SLC10A4: variants seen among roughly 807,000 people sequenced by gnomAD.
The protein encoded by SLC10A4 is putative sodium/bile acid cotransporter 4.
A neutral mutation model predicts 22.5 loss-of-function variants in SLC10A4; 17 were observed. That is an observed-to-expected ratio of 0.76 (90% CI 0.52 to 1.14). The LOEUF (loss-of-function observed/expected upper bound fraction) is 1.14, where lower values mean the gene tolerates loss of function less well. Among genes scored for constraint, SLC10A4 ranks in the 50% most tolerant of loss-of-function variants. SLC10A4 has a pLI of 0.00. For missense variants in SLC10A4, 548 were observed against 584.0 expected, an observed-to-expected ratio of 0.94 and a Z score of 0.64; for synonymous variants, 257 against 258.2, an observed-to-expected ratio of 1.00 and a Z score of 0.04.
At position 48,483,827 on chromosome 4, in the gene SLC10A4, G is replaced by A. The variant is rs1452033636; in HGVS notation, c.266G>A (p.Trp89Ter). 17 of 1,533,308 alleles carry A rather than the reference G, an allele frequency of 1.1e-5. No individual in the cohort carries two copies. The South Asian group carries it at 1.9e-4, about 17-fold the overall frequency. The allele number at this position is 1,533,308 out of a possible 1,614,324, so 95.0% of individuals were successfully genotyped here. ...GGCCCTTCCCCGTTCCCTCGGCCCT[G>A]GGCGCCCCACGCGCTCCCGTTCTGG... ...SHGPSPFPRP[W>*]APHALPFWDT... The change falls in exon 1 of 3, where the codon TGG (tryptophan) becomes TAG (stop). Residue 89 changes from tryptophan to a stop codon, truncating the protein, a stop_gained. Transcript: ENST00000273861. LOFTEE classifies it high-confidence loss of function. This position sits in a 1 kb window ranked among gnomAD's most constrained non-coding sequence, Gnocchi z 5.4.
chr4:48,485,024 TCGTGCAGTTACTA>T lies in SLC10A4; in HGVS notation c.685_697del (p.Val229ProfsTer2). ...AGCTGGGCTTGGATCAACACCCCTA[TCGTGCAGTTACTA>T]CCCCTAGGGACCGTGACCCTGACTC... On this transcript the variant is annotated frameshift_variant, in exon 2 of 3. Transcript: ENST00000273861. LOFTEE classifies it high-confidence loss of function. The T allele has an allele frequency of 6.2e-7, 1 of 1,614,136 alleles. No homozygotes were observed.
Position 48,488,437 on chromosome 4 carries a change from G to A in SLC10A4, c.812G>A (p.Trp271Ter). 1 of 1,594,760 alleles carries A rather than the reference G, an allele frequency of 6.3e-7. No individual in the cohort carries two copies. ...VADYIVKVSL[W>*]SLLVTLVVLF... ...ATTTTCTATTACTAGGTTTCCCTGT[G>A]GTCTCTGCTAGTGACTCTGGTGGTC... is the stretch of plus-strand genomic sequence containing the variant. Residue 271 changes from tryptophan to a stop codon, truncating the protein, a stop_gained, in exon 3 of 3, where the codon TGG becomes TAG. Coordinates refer to ENST00000273861, the MANE Select transcript of SLC10A4 (RefSeq NM_152679.4). LOFTEE classifies it high-confidence loss of function.
At position 48,485,041 on chromosome 4, in the gene SLC10A4, C is replaced by T; in HGVS notation, c.700C>T (p.Leu234=). ...INTPIVQLLP[L]GTVTLTLCST... ...CACCCCTATCGTGCAGTTACTACCC[C>T]TAGGGACCGTGACCCTGACTCTCTG... The change falls in exon 2 of 3, where the codon CTA becomes TTA. Residue 234 remains leucine, a synonymous_variant. Transcript: ENST00000273861. 1.2e-6 allele frequency: 2 copies of T among 1,614,140 alleles called. No individual in the cohort carries two copies. The highest frequency in any genetic ancestry group is 1.6e-4 in the Middle Eastern group (1 of 6,062).
Position 48,488,924 on chromosome 4 carries a change from T to C in SLC10A4, c.1299T>C (p.Ala433=). The C allele has an allele frequency of 6.3e-7, 1 of 1,592,714 alleles. No individual in the cohort carries two copies. Among genetic ancestry groups the C allele is most frequent in the Non-Finnish European group, 8.5e-7 (1 of 1,173,172 alleles). The change falls in exon 3 of 3, where the codon GCT becomes GCC. Residue 433 remains alanine (A), a synonymous_variant. Transcript: ENST00000273861. ...KAENIIMMET[A]QTSL ...AAAATATAATAATGATGGAAACCGC[T>C]CAGACTTCTCTCTAAATGTGGAGAT...
Position 48,488,660 on chromosome 4 carries a change from A to T in SLC10A4, c.1035A>T (p.Thr345=), listed in dbSNP as rs1718330252. 1 of 1,614,108 alleles carries T rather than the reference A, an allele frequency of 6.2e-7. No homozygotes were observed. Among genetic ancestry groups the T allele is most frequent in the African/African-American group, 1.3e-5 (1 of 75,058 alleles). ...ETGSQNVQLC[T]AILKLAFPPQ... ...GTAGTCAGAATGTGCAGCTCTGTAC[A>T]GCCATTCTAAAACTGGCCTTTCCAC... The change falls in exon 3 of 3, where the codon ACA becomes ACT. Residue 345 remains threonine, a synonymous_variant. Coordinates refer to ENST00000273861, the MANE Select transcript of SLC10A4 (RefSeq NM_152679.4).
In SLC10A4 at chr4:48,483,404, G is replaced by C. The variant is rs965907987; in HGVS notation, c.-158G>C. On this transcript the variant is annotated 5_prime_UTR_variant, in exon 1 of 3. Coordinates refer to ENST00000273861, the MANE Select transcript of SLC10A4 (RefSeq NM_152679.4). The surrounding 1 kb of genome is among the most constrained non-coding windows in gnomAD (Gnocchi z 5.4). ...GGGCGGCTGCAGACCTGGGAGCGGA[G>C]ACCGGCCCGCCGCCCCCGACGCCGC... 1.6e-5 allele frequency: 7 copies of C among 450,104 alleles called. No homozygotes were observed. Among genetic ancestry groups the C allele is most frequent in the Non-Finnish European group, 2.5e-5 (7 of 277,666 alleles). The allele number at this position is 450,104 out of a possible 1,614,324, so 27.9% of individuals were successfully genotyped here.
intron 1 of SLC10A4, 68 bp downstream of exon 1, chr4:48,484,219 G>T: frequency 6.9e-7 from 1 of 1,441,708 alleles, no homozygotes; most frequent in Middle Eastern, 1.8e-4. Context: ...GTGGGCTCAC[G>T]ACGAAGGACA....
intron 2 of SLC10A4, among the ~76,000 whole-genome samples, chr4:48,485,637 A>T (rs879687023): frequency 3.3e-5 from 5 of 152,240 alleles, no homozygotes; most frequent in Non-Finnish European, 5.9e-5. Flanking sequence ...TACTAATAGG[A>T]CAAAAAGTAA....
intron 2 of SLC10A4, among the ~76,000 whole-genome samples, chr4:48,487,302 C>T (rs917585280): frequency 1.3e-5 from 2 of 152,144 alleles, no homozygotes; most frequent in African/African-American, 4.8e-5. Flanking sequence ...TGCCAAATTG[C>T]AAAGAATTCT....
Position 48,483,753 on chromosome 4 carries a change from G to C in SLC10A4, c.192G>C (p.Pro64=). 1 of 1,473,074 alleles carries C rather than the reference G, an allele frequency of 6.8e-7. No individual in the cohort carries two copies. Among genetic ancestry groups the C allele is most frequent in the Non-Finnish European group, 8.9e-7 (1 of 1,118,140 alleles). The allele number at this position is 1,473,074 out of a possible 1,614,324, so 91.3% of individuals were successfully genotyped here. Residue 64 remains proline, a synonymous_variant, in exon 1 of 3, where the codon CCG becomes CCC. Transcript: ENST00000273861. This position sits in a 1 kb window ranked among gnomAD's most constrained non-coding sequence, Gnocchi z 5.4. Reference sequence around the variant, plus strand: ...TCGGCTTCAGCCCCGGCCCCACTCCGACCCCGGAGCCCACGACCAGCGGCC... The same window carrying C: ...TCGGCTTCAGCCCCGGCCCCACTCCCACCCCGGAGCCCACGACCAGCGGCC... The part of the protein sequence containing the change: ...PSFGFSPGPT[P]TPEPTTSGLA...
chr4:48,483,524 G>T lies in SLC10A4; in HGVS notation c.-38G>T. On this transcript the variant is annotated 5_prime_UTR_variant, in exon 1 of 3. Coordinates refer to ENST00000273861, the MANE Select transcript of SLC10A4 (RefSeq NM_152679.4). The surrounding 1 kb of genome is among the most constrained non-coding windows in gnomAD (Gnocchi z 5.4). Reference sequence around the variant, plus strand: ...GACCGCGGGACGGCGAGAGGCACGCGGCGGGAGGGGACCGGAATCCGCAGC... The same window carrying T: ...GACCGCGGGACGGCGAGAGGCACGCTGCGGGAGGGGACCGGAATCCGCAGC... 6 of 1,463,150 alleles carry T rather than the reference G, an allele frequency of 4.1e-6. No individual in the cohort carries two copies. Among genetic ancestry groups the T allele is most frequent in the Non-Finnish European group, 5.4e-6 (6 of 1,107,762 alleles). 90.6% of individuals were successfully genotyped at this position (1,463,150 alleles called of 1,614,324 possible).
intron 2 of SLC10A4, among the ~76,000 whole-genome samples, chr4:48,488,224 G>C (rs1295376654): frequency 1.3e-5 from 2 of 150,216 alleles, no homozygotes; most frequent in African/African-American, 4.9e-5. Flanking sequence ...TGGACATAAG[G>C]ACAGGCCTCC....
chr4:48,488,440 C>G lies in SLC10A4; in HGVS notation c.815C>G (p.Ser272Cys). 6.3e-7 allele frequency: 1 copy of G among 1,596,356 alleles called. No homozygotes were observed. The highest frequency in any genetic ancestry group is 8.6e-7 in the Non-Finnish European group (1 of 1,169,434). Residue 272 changes from serine to cysteine, a missense_variant, in exon 3 of 3, where the codon TCT becomes TGT. By Grantham distance (112) the Ser-to-Cys change is moderately radical. Around this residue, in one of 3 missense-constraint regions of SLC10A4, gnomAD observed 314 missense variants for 353.2 expected, o/e 0.89. Transcript: ENST00000273861. ...ADYIVKVSLWSLLVTLVVLFI... is the reference protein window; with the variant it reads ...ADYIVKVSLWCLLVTLVVLFI... ...TTCTATTACTAGGTTTCCCTGTGGT[C>G]TCTGCTAGTGACTCTGGTGGTCCTT...
Position 48,489,059 on chromosome 4 carries a change from C to G in SLC10A4, c.*120C>G. 8.3e-7 allele frequency: 1 copy of G among 1,207,156 alleles called. No homozygotes were observed. Among genetic ancestry groups the G allele is most frequent in the Non-Finnish European group, 1.1e-6 (1 of 871,294 alleles). The allele number at this position is 1,207,156 out of a possible 1,614,324, so 74.8% of individuals were successfully genotyped here. A position where few individuals can be genotyped will look rare whatever the true frequency, so the allele number is the denominator to read the frequency against. ...GGTTCACATCATACATGTAACAATT[C>G]TGATCTTTTTAAGGTTCACTGGTGT... On this transcript the variant is annotated 3_prime_UTR_variant, in exon 3 of 3. Transcript: ENST00000273861.
rs1017526792 is a variant in SLC10A4 at position 48,483,510 on chromosome 4, G to C, written c.-52G>C. The C allele has an allele frequency of 1.9e-5, 27 of 1,417,756 alleles. No individual in the cohort carries two copies. The highest frequency in any genetic ancestry group is 2.6e-5 in the Admixed American group (1 of 38,506). 87.8% of individuals were successfully genotyped at this position (1,417,756 alleles called of 1,614,324 possible). ...GCGGCGACTGCGGCGACCGCGGGACGGCGAGAGGCACGCGGCGGGAGGGGA... is the reference window on the plus strand; with the variant it reads ...GCGGCGACTGCGGCGACCGCGGGACCGCGAGAGGCACGCGGCGGGAGGGGA... On this transcript the variant is annotated 5_prime_UTR_variant, in exon 1 of 3. Coordinates refer to ENST00000273861, the MANE Select transcript of SLC10A4 (RefSeq NM_152679.4). The surrounding 1 kb of genome is among the most constrained non-coding windows in gnomAD (Gnocchi z 5.4).
At chr4:48,484,707 A>C (rs1718249918) in intron 1 of SLC10A4, among the ~76,000 whole-genome samples, 1 of 151,970 alleles carries the variant, frequency 6.6e-6, no homozygotes, top group South Asian at 2.1e-4. Context: ...GGGCAGCAGT[A>C]CCGAGACAGG....
At position 48,483,709 on chromosome 4, in the gene SLC10A4, C is replaced by T. The variant is rs1718223025; in HGVS notation, c.148C>T (p.Leu50Phe). 1 of 1,443,308 alleles carries T rather than the reference C, an allele frequency of 6.9e-7. No individual in the cohort carries two copies. The highest frequency in any genetic ancestry group is 2.9e-5 in the Admixed American group (1 of 33,982). 89.4% of individuals were successfully genotyped at this position (1,443,308 alleles called of 1,614,324 possible). Residue 50 changes from leucine (L) to phenylalanine (F), a missense_variant, in exon 1 of 3, where the codon CTC becomes TTC. Coordinates refer to ENST00000273861, the MANE Select transcript of SLC10A4 (RefSeq NM_152679.4). This position sits in a 1 kb window ranked among gnomAD's most constrained non-coding sequence, Gnocchi z 5.4. Reference protein sequence around the residue: ...SSAGPGPGLSLGPGPSFGFSP... With the variant: ...SSAGPGPGLSFGPGPSFGFSP... ...CGCCGGCCCCGGCCCTGGGCTCAGCCTCGGGCCGGGTCCGAGCTTCGGCTT... is the reference window on the plus strand; with the variant it reads ...CGCCGGCCCCGGCCCTGGGCTCAGCTTCGGGCCGGGTCCGAGCTTCGGCTT...
intron 2 of SLC10A4, among the ~76,000 whole-genome samples, chr4:48,486,030 A>G (rs1467131594): frequency 4.6e-5 from 7 of 152,224 alleles, no homozygotes; most frequent in Non-Finnish European, 8.8e-5. Context: ...TCAGGTAATT[A>G]ATCAAATAAA....
intron 1 of SLC10A4, 94 bp from the exon 2 acceptor site, chr4:48,484,838 C>T: frequency 2.5e-6 from 3 of 1,215,448 alleles, no homozygotes; most frequent in Non-Finnish European, 3.5e-6. Context: ...CTTGCAGTCT[C>T]CCCGTTCCAC....
Sources: allele counts gnomAD v4.1 joint callset (sites outside exome capture counted in the v4.1 genomes callset), GRCh38; gene constraint gnomAD v4.1.1; regional missense constraint gnomAD v4.1.1; non-coding constraint Gnocchi (gnomAD v3.1); transcripts MANE v1.5; gene names NCBI Gene and HGNC (gene_info 2026-07-23, HGNC 2026-07-21).